Variants in OSBPL6 observed in about 807,000 individuals in gnomAD.
The protein encoded by OSBPL6 is oxysterol binding protein like 6.
In OSBPL6, 49 loss-of-function variants were observed where a neutral mutation model predicts 125.8. The ratio of observed to expected loss-of-function variants is 0.39; its 90% confidence interval spans 0.31 to 0.49. The LOEUF (loss-of-function observed/expected upper bound fraction) is 0.49. Ranked by LOEUF, OSBPL6 falls within the 20% of genes least tolerant of loss-of-function variation. The pLI, the probability that OSBPL6 is intolerant of heterozygous loss-of-function variation, is 0.88. For missense variants in OSBPL6, 986 were observed against 1,135.4 expected (o/e 0.87, Z 1.89); for synonymous variants, 394 against 391.8 (o/e 1.01, Z -0.07).
intron 20 of OSBPL6, among the ~76,000 whole-genome samples, chr2:178,388,644 A>C (rs1419607431): frequency 6.6e-6 from 1 of 152,190 alleles, no homozygotes; most frequent in African/African-American, 2.4e-5. Flanking sequence ...CTTGACACTC[A>C]TCCCACGTTC....
At chr2:178,321,794 T>G (rs965938773) in intron 3 of OSBPL6, among the ~76,000 whole-genome samples, 3 of 152,228 alleles carry the variant, frequency 2.0e-5, no homozygotes, top group Non-Finnish European at 4.4e-5. Flanking sequence ...TCACTAAATG[T>G]TTTTTATGAT....
chr2:178,384,928 G>A (rs1267763456), intron 18 of OSBPL6, among the ~76,000 whole-genome samples: 1 of 151,888 alleles, frequency 6.6e-6, no homozygotes, highest in East Asian at 1.9e-4. Flanking sequence ...TAAAATGGGA[G>A]GCAGGTGGTC....
intron 1 of OSBPL6, among the ~76,000 whole-genome samples, chr2:178,282,916 G>T (rs886833659): frequency 7.2e-5 from 11 of 152,318 alleles, no homozygotes; most frequent in African/African-American, 2.4e-4. Context: ...GCTTCCCAAA[G>T]TGCTGGGATT....
At chr2:178,305,358 C>T (rs1175735156) in intron 2 of OSBPL6, among the ~76,000 whole-genome samples, 4 of 152,216 alleles carry the variant, frequency 2.6e-5, no homozygotes, top group Admixed American at 2.0e-4. Flanking sequence ...ACCTTCCTTA[C>T]ATGAATCCAA....
chr2:178,235,407 T>C (rs1300074639), intron 1 of OSBPL6, among the ~76,000 whole-genome samples: 1 of 61,454 alleles, frequency 1.6e-5, no homozygotes, highest in Non-Finnish European at 3.0e-5. Flanking sequence ...TCTTTTTTTT[T>C]TTTTTTTTTT....
At chr2:178,336,473 C>T in intron 9 of OSBPL6, 40 bp downstream of exon 9, 19 of 1,601,696 alleles carry the variant, frequency 1.2e-5, no homozygotes, top group Non-Finnish European at 1.5e-5. Flanking sequence ...TAAGCCAAAA[C>T]CAAACAAGAA....
intron 1 of OSBPL6, among the ~76,000 whole-genome samples, chr2:178,240,135 C>T (rs950889174): frequency 6.6e-5 from 10 of 151,710 alleles, no homozygotes; most frequent in Admixed American, 1.3e-4. Context: ...TGAGGAGAGG[C>T]GAGAATGGGG....
At chr2:178,226,128 G>T (rs915663241) in intron 1 of OSBPL6, among the ~76,000 whole-genome samples, 1 of 152,160 alleles carries the variant, frequency 6.6e-6, no homozygotes, top group Admixed American at 6.5e-5. Flanking sequence ...TAGTCATGGA[G>T]GAGGAAGTGT....
At chr2:178,211,031 C>T (rs2089834129) in intron 1 of OSBPL6, among the ~76,000 whole-genome samples, 1 of 152,012 alleles carries the variant, frequency 6.6e-6, no homozygotes, top group Non-Finnish European at 1.5e-5. Context: ...TCTGTAATTC[C>T]AACACTTTGG....
intron 1 of OSBPL6, among the ~76,000 whole-genome samples, chr2:178,215,210 A>G (rs2090044663): frequency 6.6e-6 from 1 of 152,214 alleles, no homozygotes; most frequent in Non-Finnish European, 1.5e-5. Context: ...GAGCTATGGA[A>G]GTAATGTCTA....
chr2:178,333,125 G>A, intron 8 of OSBPL6, 84 bp downstream of exon 8: 2 of 1,467,150 alleles, frequency 1.4e-6, no homozygotes, highest in Non-Finnish European at 1.9e-6. Flanking sequence ...GCTCACGTGT[G>A]TAATCCCAGC....
chr2:178,361,652 C>A, intron 12 of OSBPL6, 30 bp from the exon 13 acceptor site: 1 of 1,611,110 alleles, frequency 6.2e-7, no homozygotes, highest in Non-Finnish European at 8.5e-7. Context: ...ACATATCTGA[C>A]AGTTTTTTCT....
chr2:178,388,540 T>C (rs1695138164), intron 20 of OSBPL6, among the ~76,000 whole-genome samples: 1 of 152,158 alleles, frequency 6.6e-6, no homozygotes, highest in African/African-American at 2.4e-5. Flanking sequence ...CCTTCTGACC[T>C]TTGTGGCTCT....
chr2:178,195,743 AG>A, intron 1 of OSBPL6, among the ~76,000 whole-genome samples: 1 of 152,312 alleles, frequency 6.6e-6, no homozygotes, highest in Non-Finnish European at 1.5e-5. Context: ...TTTTTTCTAT[AG>A]GAACTTTCAT....
chr2:178,214,849 G>T (rs897871075), intron 1 of OSBPL6, among the ~76,000 whole-genome samples: 22 of 152,096 alleles, frequency 1.4e-4, no homozygotes, highest in Non-Finnish European at 3.2e-4. Flanking sequence ...TACTCAAGAG[G>T]CTGAGGCAGG....
intron 1 of OSBPL6, among the ~76,000 whole-genome samples, chr2:178,282,149 A>T (rs1486757938): frequency 6.6e-6 from 1 of 152,160 alleles, no homozygotes. Flanking sequence ...TGGGAGTTGC[A>T]GTTTTGTGCT....
In OSBPL6 at chr2:178,315,232, C is replaced by T. The variant is rs574323700; in HGVS notation, c.103-8945C>T. 6.8e-4 allele frequency among the ~76,000 whole-genome samples: 103 copies of T among 152,280 alleles called. 2 individuals carry two copies. In the South Asian group the frequency reaches 7.7e-3, roughly 11 times the overall value. ...GCTGTTAACCTTTCAACGAGCAGCT[C>T]CACAGCTTTCTTGGCATCGCCACCT... On this transcript the variant is annotated intron_variant, in intron 3 of 24. Transcript: ENST00000190611.
At chr2:178,256,980 TA>T (rs965632162) in intron 1 of OSBPL6, among the ~76,000 whole-genome samples, 2 of 150,702 alleles carry the variant, frequency 1.3e-5, no homozygotes, top group Non-Finnish European at 3.0e-5. Flanking sequence ...CAGACAAATT[TA>T]AAAAAAAAAT....
intron 23 of OSBPL6, among the ~76,000 whole-genome samples, chr2:178,392,858 CAAA>C (rs57057224): frequency 1.1e-4 from 7 of 63,114 alleles, no homozygotes; most frequent in Non-Finnish European, 1.0e-4. Context: ...GAGACCCTGG[CAAA>C]AAAAAAAAAA....
Sources: gnomAD v4.1 joint callset for allele counts (sites outside exome capture counted in the v4.1 genomes callset) on GRCh38, gnomAD v4.1.1 for gene constraint, MANE v1.5 for transcripts, NCBI Gene and HGNC (gene_info 2026-07-23, HGNC 2026-07-21) for gene names.